Variants in RCOR1 observed in about 807,000 individuals in gnomAD.
The protein encoded by RCOR1 is REST corepressor.
RCOR1 carries 12 observed loss-of-function variants against 64.0 expected under a neutral mutation model. That is an observed-to-expected ratio of 0.19 (90% confidence interval 0.12 to 0.30). RCOR1 has a LOEUF of 0.30. Ranked by LOEUF, RCOR1 falls within the 10% of genes least tolerant of loss-of-function variation. The probability of loss-of-function intolerance (pLI) is 1.00; values close to 1 mark genes in which losing one functional copy is unlikely to be tolerated. For missense variants in RCOR1, 502 were observed against 621.2 expected, an observed-to-expected ratio of 0.81 and a Z score of 2.04; for synonymous variants, 279 against 227.2, an observed-to-expected ratio of 1.23 and a Z score of -2.05.
Position 102,657,926 on chromosome 14 carries a change from G to T in RCOR1, c.362-23969G>T, listed in dbSNP as rs933782794. 7 of 984,354 alleles carry T rather than the reference G, an allele frequency of 7.1e-6. No homozygotes were observed. The African/African-American group carries it at 1.0e-4, about 15-fold the overall frequency. 61.0% of individuals were successfully genotyped at this position (984,354 alleles called of 1,614,324 possible). Reference sequence around the variant, plus strand: ...ATTATATTGCCTCTCTGAAACAAGTGAAAGAGTTTTCTTTATGAGGGGTGT... The same window carrying T: ...ATTATATTGCCTCTCTGAAACAAGTTAAAGAGTTTTCTTTATGAGGGGTGT... On this transcript the variant is annotated intron_variant, in intron 2 of 11. Transcript: ENST00000262241.
At chr14:102,602,728 C>T (rs550798985) in intron 2 of RCOR1, among the ~76,000 whole-genome samples, 2 of 152,102 alleles carry the variant, frequency 1.3e-5, no homozygotes, top group South Asian at 4.1e-4. Context: ...TTTTTGTAGA[C>T]TTGATATCGT....
chr14:102,705,062 G>A (rs1215075355), intron 4 of RCOR1, among the ~76,000 whole-genome samples: 6 of 152,048 alleles, frequency 3.9e-5, no homozygotes, highest in Non-Finnish European at 2.9e-5. Flanking sequence ...GAAGGCAGAG[G>A]TTGCAGTGAG....
intron 4 of RCOR1, among the ~76,000 whole-genome samples, chr14:102,705,639 C>T (rs182879343): frequency 9.2e-5 from 14 of 152,060 alleles, no homozygotes; most frequent in South Asian, 4.2e-4. Context: ...GTTTGTTTTT[C>T]GTAGATTCAT....
chr14:102,722,142 A>C, intron 10 of RCOR1, 45 bp from the exon 11 acceptor site: 1 of 1,483,860 alleles, frequency 6.7e-7, no homozygotes, highest in South Asian at 1.2e-5. Context: ...TTTTAAAAAA[A>C]TGTTTTTCTC....
rs759848181 is a variant in RCOR1 at position 102,707,475 on chromosome 14, G to A, written c.623G>A (p.Ser208Asn). 6.2e-7 allele frequency: 1 copy of A among 1,609,366 alleles called. No individual in the cohort carries two copies. The highest frequency in any genetic ancestry group is 1.3e-5 in the African/African-American group (1 of 74,616). Reference protein sequence around the residue: ...EDKVLFEQAFSFHGKTFHRIQ... With the variant: ...EDKVLFEQAFNFHGKTFHRIQ... Reference sequence around the variant, plus strand: ...AAAGTCTTATTTGAGCAAGCCTTTAGTTTTCATGGGAAAACTTTTCATAGA... The same window carrying A: ...AAAGTCTTATTTGAGCAAGCCTTTAATTTTCATGGGAAAACTTTTCATAGA... The change falls in exon 5 of 12, where the codon AGT becomes AAT. Residue 208 changes from serine to asparagine, a missense_variant. Around this residue, in one of 2 missense-constraint regions of RCOR1, gnomAD observed 260 missense variants for 416.4 expected, o/e 0.62. Coordinates refer to ENST00000262241, the MANE Select transcript of RCOR1 (RefSeq NM_015156.4).
intron 2 of RCOR1, among the ~76,000 whole-genome samples, chr14:102,638,707 G>A (rs953761856): frequency 1.3e-5 from 2 of 151,434 alleles, no homozygotes; most frequent in African/African-American, 4.9e-5. Flanking sequence ...TTGCTATGTT[G>A]TCCAGGCTGG....
intron 7 of RCOR1, 78 bp downstream of exon 7, chr14:102,711,091 T>G (rs1895948204): frequency 1.1e-6 from 1 of 916,494 alleles, no homozygotes; most frequent in Non-Finnish European, 1.7e-6. Context: ...ATGTTGCTTG[T>G]TCTACTTAAT....
intron 2 of RCOR1, among the ~76,000 whole-genome samples, chr14:102,599,798 G>GTTTT: frequency 8.8e-6 from 1 of 113,920 alleles, no homozygotes; most frequent in African/African-American, 3.1e-5. Flanking sequence ...TTGTGGTTTT[G>GTTTT]TTTTGTTTTG....
chr14:102,628,256 A>G (rs953478585), intron 2 of RCOR1, among the ~76,000 whole-genome samples: 1 of 152,146 alleles, frequency 6.6e-6, no homozygotes, highest in African/African-American at 2.4e-5. Flanking sequence ...TCAAATGTTC[A>G]TTTTATCTGA....
At chr14:102,656,573 T>A (rs1894728237) in intron 2 of RCOR1, among the ~76,000 whole-genome samples, 2 of 152,050 alleles carry the variant, frequency 1.3e-5, no homozygotes, top group African/African-American at 4.8e-5. Flanking sequence ...GTTCAAGCAA[T>A]TCTCCTGTTC....
chr14:102,616,238 G>T (rs867778349), intron 2 of RCOR1, among the ~76,000 whole-genome samples: 3 of 139,156 alleles, frequency 2.2e-5, no homozygotes, highest in Non-Finnish European at 4.7e-5. Flanking sequence ...GTGTGTGTGT[G>T]TGTGTGTGTG....
chr14:102,616,944 G>A (rs1486254484), intron 2 of RCOR1, among the ~76,000 whole-genome samples: 1 of 152,220 alleles, frequency 6.6e-6, no homozygotes, highest in Non-Finnish European at 1.5e-5. Flanking sequence ...ACAAACGGTT[G>A]CCAGCTATTG....
At chr14:102,604,246 T>C (rs1369277745) in intron 2 of RCOR1, among the ~76,000 whole-genome samples, 1 of 152,226 alleles carries the variant, frequency 6.6e-6, no homozygotes, top group South Asian at 2.1e-4. Context: ...TATATAGTTA[T>C]AGTAGCATAT....
chr14:102,641,143 T>C (rs1416998342), intron 2 of RCOR1, among the ~76,000 whole-genome samples: 4 of 151,730 alleles, frequency 2.6e-5, no homozygotes, highest in South Asian at 4.2e-4. Flanking sequence ...TGGTCCCAGC[T>C]ACTTGGAAGG....
intron 2 of RCOR1, among the ~76,000 whole-genome samples, chr14:102,662,984 C>A (rs906477490): frequency 2.6e-5 from 4 of 152,242 alleles, no homozygotes; most frequent in African/African-American, 9.6e-5. Context: ...GCTCTGTGTC[C>A]CCACGCAAAT....
chr14:102,726,338 A>T, intron 11 of RCOR1, 130 bp from the exon 12 acceptor site: 1 of 823,518 alleles, frequency 1.2e-6, no homozygotes, highest in East Asian at 2.7e-5. Flanking sequence ...TCCAAAAAAA[A>T]AAAAAAGAAC....
chr14:102,675,875 T>C (rs1286902180), intron 2 of RCOR1, among the ~76,000 whole-genome samples: 1 of 152,222 alleles, frequency 6.6e-6, no homozygotes, highest in East Asian at 1.9e-4. Flanking sequence ...GAACTTGTAC[T>C]GGCTTCTTTC....
intron 3 of RCOR1, among the ~76,000 whole-genome samples, chr14:102,692,896 G>C (rs925271976): frequency 6.6e-6 from 1 of 151,344 alleles, no homozygotes; most frequent in Admixed American, 6.6e-5. Flanking sequence ...CTCCCGAGTA[G>C]CTGGAATTAC....
chr14:102,597,628 CTTTTT>C lies in RCOR1; in HGVS notation c.361+4325_361+4329del, dbSNP rs57656879. On this transcript the variant is annotated intron_variant, in intron 2 of 11. Transcript: ENST00000262241. ...TCAGGCGTGAGCCACTGCGCCCGACCTTTTTTTTTTTTTTTTTTTTTTTTTTGAAA... is the reference window on the plus strand; with the variant it reads ...TCAGGCGTGAGCCACTGCGCCCGACCTTTTTTTTTTTTTTTTTTTTTGAAA... 2.7e-4 allele frequency among the ~76,000 whole-genome samples: 12 copies of C among 44,990 alleles called. No individual in the cohort carries two copies. In the East Asian group the frequency reaches 5.6e-3, roughly 21 times the overall value. 29.5% of individuals were successfully genotyped at this position (44,990 alleles called of 152,430 possible).
Sources: allele counts gnomAD v4.1 joint callset (sites outside exome capture counted in the v4.1 genomes callset), GRCh38; gene constraint gnomAD v4.1.1; regional missense constraint gnomAD v4.1.1; transcripts MANE v1.5; gene names NCBI Gene and HGNC (gene_info 2026-07-23, HGNC 2026-07-21).